The following STAC variants were observed in gnomAD, a reference collection of about 807,000 sequenced individuals.
The protein encoded by STAC is SH3 and cysteine rich domain.
In STAC, 43 loss-of-function variants were observed where a neutral mutation model predicts 48.8. The observed-to-expected ratio is 0.88, with a 90% confidence interval of 0.69 to 1.14. STAC has a LOEUF of 1.14. Ranked by LOEUF, STAC falls within the 50% of genes most tolerant of loss-of-function variation. The probability of loss-of-function intolerance (pLI) is 0.00; values close to 1 mark genes in which losing one functional copy is unlikely to be tolerated. For missense variants in STAC, 497 were observed against 504.0 expected (o/e 0.99, Z 0.13); for synonymous variants, 193 against 179.5 (o/e 1.07, Z -0.60).
intron 1 of STAC, among the ~76,000 whole-genome samples, chr3:36,431,325 T>G (rs1700698649): frequency 6.6e-6 from 1 of 152,194 alleles, no homozygotes; most frequent in South Asian, 2.1e-4. Flanking sequence ...TTCTCCCCAC[T>G]GTCACACAGC....
At chr3:36,534,581 A>AT (rs113192200) in intron 10 of STAC, among the ~76,000 whole-genome samples, 4,101 of 149,888 alleles carry the variant, frequency 0.027, 113 homozygotes, top group African/African-American at 0.069. Flanking sequence ...TAATTATTGT[A>AT]TTTTTTTTTT....
At chr3:36,457,911 G>A (rs1696896841) in intron 2 of STAC, among the ~76,000 whole-genome samples, 1 of 152,214 alleles carries the variant, frequency 6.6e-6, no homozygotes, top group Non-Finnish European at 1.5e-5. Context: ...TTAAAGCCAA[G>A]TGCGGGTGAG....
intron 1 of STAC, among the ~76,000 whole-genome samples, chr3:36,442,626 A>G (rs59737912): frequency 0.015 from 2,302 of 152,186 alleles, 30 homozygotes; most frequent in African/African-American, 0.022. Context: ...GTGCTTTTTT[A>G]TAAGTCCCAG....
chr3:36,531,827 A>T (rs926069309), intron 10 of STAC, among the ~76,000 whole-genome samples: 1 of 152,206 alleles, frequency 6.6e-6, no homozygotes, highest in Admixed American at 6.5e-5. Context: ...GGAGAGACCT[A>T]GGAGAGAGGG....
chr3:36,473,077 G>A (rs892993997), intron 2 of STAC, among the ~76,000 whole-genome samples: 4 of 152,186 alleles, frequency 2.6e-5, no homozygotes, highest in African/African-American at 4.8e-5. Context: ...CATGGCGGGA[G>A]GCAAAAGGCA....
chr3:36,484,902 T>C, intron 3 of STAC, 75 bp from the exon 4 acceptor site: 3 of 1,247,564 alleles, frequency 2.4e-6, no homozygotes, highest in Non-Finnish European at 3.3e-6. Flanking sequence ...CAATTGGTTT[T>C]ATTTAGGGAG....
At chr3:36,384,175 A>G (rs1393541681) in intron 1 of STAC, among the ~76,000 whole-genome samples, 1 of 152,198 alleles carries the variant, frequency 6.6e-6, no homozygotes, top group African/African-American at 2.4e-5. Flanking sequence ...ATTTCAATGA[A>G]TATCTTTTCT....
chr3:36,544,432 A>T (rs1025147765), intron 10 of STAC, among the ~76,000 whole-genome samples: 1 of 152,060 alleles, frequency 6.6e-6, no homozygotes, highest in Non-Finnish European at 1.5e-5. Context: ...GGCCTCCCAA[A>T]GTGCTGGGAT....
intron 5 of STAC, among the ~76,000 whole-genome samples, chr3:36,490,750 T>A (rs1485195971): frequency 6.6e-6 from 1 of 152,224 alleles, no homozygotes; most frequent in Non-Finnish European, 1.5e-5. Context: ...AGGCTGATGC[T>A]AAGAAGCAGC....
In STAC at chr3:36,546,283, C is replaced by T. The variant is rs377484425; in HGVS notation, c.1203C>T (p.Asn401=). ...TCATCCCCCTTGATGTACTAGAAAACATCTGATTGCTGGCTCCTCCTCCGT... is the reference window on the plus strand; with the variant it reads ...TCATCCCCCTTGATGTACTAGAAAATATCTGATTGCTGGCTCCTCCTCCGT... ...KGLIPLDVLE[N]I The change falls in exon 11 of 11, where the codon AAC becomes AAT. Residue 401 remains asparagine (N), a synonymous_variant. Transcript: ENST00000273183. 5.6e-5 allele frequency: 91 copies of T among 1,613,686 alleles called. No individual in the cohort carries two copies. Among genetic ancestry groups the T allele is most frequent in the Middle Eastern group, 1.6e-4 (1 of 6,078 alleles).
chr3:36,526,127 T>C lies in STAC; in HGVS notation c.921-2569T>C, dbSNP rs576305715. Reference sequence around the variant, plus strand: ...ATGAAGATGACCAGAGACCAAAGAATACTCAGGACAAAACAGCTATAGAAG... The same window carrying C: ...ATGAAGATGACCAGAGACCAAAGAACACTCAGGACAAAACAGCTATAGAAG... On this transcript the variant is annotated intron_variant, in intron 8 of 10. Transcript: ENST00000273183. Among the ~76,000 whole-genome samples the C allele has an allele frequency of 2.0e-5, 3 of 152,252 alleles. No individual in the cohort carries two copies. In the South Asian group the frequency reaches 6.2e-4, roughly 32 times the overall value.
chr3:36,403,693 G>A (rs1044719333), intron 1 of STAC, among the ~76,000 whole-genome samples: 1 of 151,722 alleles, frequency 6.6e-6, no homozygotes, highest in East Asian at 1.9e-4. Context: ...TACAAAAATA[G>A]ATAAAATCCT....
At chr3:36,461,689 T>C (rs1461519187) in intron 2 of STAC, among the ~76,000 whole-genome samples, 1 of 152,124 alleles carries the variant, frequency 6.6e-6, no homozygotes, top group Non-Finnish European at 1.5e-5. Flanking sequence ...GAAGATAATA[T>C]GAGTAAATTT....
At chr3:36,418,979 G>A (rs541810272) in intron 1 of STAC, among the ~76,000 whole-genome samples, 11 of 151,190 alleles carry the variant, frequency 7.3e-5, no homozygotes, top group Admixed American at 3.3e-4. Context: ...CCTGAGAGGC[G>A]GAGGTTGCAG....
At chr3:36,524,135 C>G (rs1182298205) in intron 8 of STAC, among the ~76,000 whole-genome samples, 1 of 152,036 alleles carries the variant, frequency 6.6e-6, no homozygotes, top group Non-Finnish European at 1.5e-5. Flanking sequence ...TTATCTAGTA[C>G]CTGGCTCTAG....
chr3:36,471,238 G>C (rs562717770), intron 2 of STAC, among the ~76,000 whole-genome samples: 50 of 152,264 alleles, frequency 3.3e-4, no homozygotes, highest in African/African-American at 1.2e-3. Context: ...GTTCTCGTGA[G>C]ACTTATTCAC....
intron 8 of STAC, chr3:36,506,037 C>A: frequency 2.5e-6 from 1 of 407,454 alleles, no homozygotes; most frequent in Non-Finnish European, 4.5e-6. Flanking sequence ...TGAGGCAGGG[C>A]CTCAGAAGTT....
At chr3:36,495,519 C>G (rs115929569) in intron 6 of STAC, among the ~76,000 whole-genome samples, 1 of 152,232 alleles carries the variant, frequency 6.6e-6, no homozygotes, top group South Asian at 2.1e-4. Flanking sequence ...ACACCTCAGA[C>G]GTAATCCATC....
rs1699449217 is a variant in STAC, at chr3:36,546,425, T to G, written c.*136T>G. 15 of 731,692 alleles carry G rather than the reference T, an allele frequency of 2.1e-5. No homozygotes were observed. The South Asian group carries it at 2.2e-4, about 11-fold the overall frequency. The allele number at this position is 731,692 out of a possible 1,614,324, so 45.3% of individuals were successfully genotyped here. The stretch of plus-strand genomic sequence containing the variant: ...AACAGTGAGACAAGAATCAAGTATC[T>G]GAGACTGTGGAGTAATAGCCACAAA... On this transcript the variant is annotated 3_prime_UTR_variant, in exon 11 of 11. Transcript: ENST00000273183.
Sources: gnomAD v4.1 joint callset for allele counts (sites outside exome capture counted in the v4.1 genomes callset) on GRCh38, gnomAD v4.1.1 for gene constraint, MANE v1.5 for transcripts, NCBI Gene and HGNC (gene_info 2026-07-23, HGNC 2026-07-21) for gene names.